Variants in NUP188 observed in about 807,000 individuals in gnomAD.
The protein encoded by NUP188 is nucleoporin 188.
In NUP188, 97 loss-of-function variants were observed where a neutral mutation model predicts 223.0. The ratio of observed to expected loss-of-function variants is 0.43; its 90% CI spans 0.37 to 0.51. NUP188 has a LOEUF of 0.51. Among genes scored for constraint, NUP188 ranks in the 20% least tolerant of loss-of-function variants. NUP188 has a pLI of 0.00. For missense variants in NUP188, 1,947 were observed against 2,175.6 expected (o/e 0.89, Z 2.09); for synonymous variants, 869 against 828.0 (o/e 1.05, Z -0.85).
chr9:128,975,226 C>CTTTTTTTTTTT (rs540828761), intron 12 of NUP188, among the ~76,000 whole-genome samples: 13 of 131,870 alleles, frequency 9.9e-5, no homozygotes, highest in African/African-American at 3.3e-4. Flanking sequence ...TTTTCTTTTC[C>CTTTTTTTTTTT]TTTTTTTTTT....
rs578060139 is a variant in NUP188 at position 128,964,625 on chromosome 9, C to T, written c.586-3881C>T. On this transcript the variant is annotated intron_variant, in intron 8 of 43. Transcript: ENST00000372577. ...AGCTCAAATGATTTATCTGCCTTGG[C>T]GCCTCCCAAAGTGCTGGGATGACAG... 2.1e-3 allele frequency among the ~76,000 whole-genome samples: 320 copies of T among 149,960 alleles called. 1 individual carries two copies. The highest frequency in any genetic ancestry group is 4.1e-3 in the Non-Finnish European group (276 of 67,562).
At chr9:128,979,046 A>C (rs1289161895) in intron 12 of NUP188, among the ~76,000 whole-genome samples, 1 of 152,104 alleles carries the variant, frequency 6.6e-6, no homozygotes, top group East Asian at 1.9e-4. Context: ...CTGACTTTCT[A>C]TATTAAGGTG....
intron 8 of NUP188, among the ~76,000 whole-genome samples, chr9:128,965,002 G>A (rs1023599386): frequency 5.3e-5 from 8 of 152,126 alleles, no homozygotes; most frequent in South Asian, 2.1e-4. Context: ...CTCCTCACCC[G>A]GCCAAAATTT....
chr9:128,978,216 A>G (rs1417941710), intron 12 of NUP188, among the ~76,000 whole-genome samples: 2 of 152,096 alleles, frequency 1.3e-5, no homozygotes, highest in Non-Finnish European at 2.9e-5. Flanking sequence ...AGTCTTGGCA[A>G]CAGAGCAAGA....
intron 8 of NUP188, among the ~76,000 whole-genome samples, chr9:128,968,099 A>AT (rs1842056420): frequency 6.6e-6 from 1 of 151,966 alleles, no homozygotes; most frequent in South Asian, 2.1e-4. Flanking sequence ...TCTTCCAAAA[A>AT]TTTAAAAAAA....
chr9:128,994,794 G>A, intron 28 of NUP188, 62 bp from the exon 29 acceptor site: 1 of 1,346,602 alleles, frequency 7.4e-7, no homozygotes, highest in South Asian at 1.2e-5. Context: ...TTCCCTGTTT[G>A]ATATACTGGG....
intron 10 of NUP188, 128 bp downstream of exon 10, chr9:128,969,642 A>G: frequency 3.7e-6 from 2 of 545,902 alleles, no homozygotes; most frequent in Admixed American, 3.8e-5. Flanking sequence ...AGGTTCTACA[A>G]TGTTTTCGTT....
chr9:128,988,413 G>A (rs947367620), intron 24 of NUP188, among the ~76,000 whole-genome samples: 1 of 152,224 alleles, frequency 6.6e-6, no homozygotes, highest in South Asian at 2.1e-4. Context: ...TAAGAATGCA[G>A]ATTTGAAGTC....
At chr9:128,974,788 T>C (rs1476421841) in intron 12 of NUP188, among the ~76,000 whole-genome samples, 2 of 151,600 alleles carry the variant, frequency 1.3e-5, no homozygotes, top group African/African-American at 2.4e-5. Flanking sequence ...TTTTTTTTTT[T>C]GGAGACAGGC....
In NUP188 at chr9:128,994,517, G is replaced by A. The variant is rs186119597; in HGVS notation, c.3087+75G>A. 339 of 980,260 alleles carry A rather than the reference G, an allele frequency of 3.5e-4. 4 individuals carry two copies. The highest frequency in any genetic ancestry group is 8.8e-4 in the South Asian group (65 of 74,044). 60.7% of individuals were successfully genotyped at this position (980,260 alleles called of 1,614,324 possible). A position where few individuals can be genotyped will look rare whatever the true frequency, so the allele number is the denominator to read the frequency against. On this transcript the variant is annotated intron_variant, in intron 28 of 43. Transcript: ENST00000372577. ...AGGCTGTGGGCTGTGAGATGGGGCC[G>A]TAGACAATGATACCTCCCCTAATTA...
chr9:128,995,016 C>CA (rs760674786), intron 29 of NUP188, 93 bp downstream of exon 29: 7 of 939,618 alleles, frequency 7.4e-6, no homozygotes, highest in Non-Finnish European at 1.2e-5. Flanking sequence ...AGAGCCAAGG[C>CA]AGAGGAGAGA....
At chr9:128,984,673 C>G (rs1842307704) in intron 19 of NUP188, among the ~76,000 whole-genome samples, 1 of 152,164 alleles carries the variant, frequency 6.6e-6, no homozygotes, top group Non-Finnish European at 1.5e-5. Context: ...AAATGTTTCC[C>G]TGATGTTCCT....
intron 8 of NUP188, 62 bp from the exon 9 acceptor site, chr9:128,968,440 GTTCT>G (rs1842061337): frequency 7.9e-7 from 1 of 1,267,598 alleles, no homozygotes; most frequent in Non-Finnish European, 1.1e-6. Flanking sequence ...TTTAAAAAAT[GTTCT>G]TTAAGTACTG....
chr9:128,957,000 G>A lies in NUP188; in HGVS notation c.295G>A (p.Glu99Lys), dbSNP rs1841880259. Residue 99 changes from glutamate (E) to lysine (K), a missense_variant, in exon 5 of 44, where the codon GAG becomes AAG. Physicochemically the swap from Glu to Lys is moderately conservative, Grantham distance 56. Around this residue, in one of 3 missense-constraint regions of NUP188, gnomAD observed 817 missense variants for 865.8 expected, o/e 0.94. Coordinates refer to ENST00000372577, the MANE Select transcript of NUP188 (RefSeq NM_015354.3). ...SVQLLQCYLQ[E>K]DYRGTRDSVK... is the part of the protein sequence containing the mutation. ...GCAGTTACTCCAGTGTTACCTGCAA[G>A]AGGACTACAGGGGTACTCGGGACTC... 1 of 1,613,010 alleles carries A rather than the reference G, an allele frequency of 6.2e-7. No homozygotes were observed. Among genetic ancestry groups the A allele is most frequent in the Non-Finnish European group, 8.5e-7 (1 of 1,179,384 alleles).
intron 38 of NUP188, chr9:129,003,742 C>A (rs745657774): frequency 2.4e-6 from 1 of 421,864 alleles, no homozygotes; most frequent in Non-Finnish European, 4.4e-6. Flanking sequence ...GCCTGTAATC[C>A]TAGCACTTTG....
At chr9:128,962,215 G>A (rs1841965298) in intron 8 of NUP188, among the ~76,000 whole-genome samples, 3 of 151,492 alleles carry the variant, frequency 2.0e-5, no homozygotes, top group Middle Eastern at 3.4e-3. Flanking sequence ...GATTACGGTG[G>A]TGAGCCATTG....
chr9:128,960,600 A>G (rs1007522593), intron 8 of NUP188, among the ~76,000 whole-genome samples: 5 of 152,208 alleles, frequency 3.3e-5, no homozygotes, highest in Non-Finnish European at 1.5e-5. Flanking sequence ...TAAGTTTAGG[A>G]CAATATAAAA....
intron 8 of NUP188, among the ~76,000 whole-genome samples, chr9:128,962,342 G>A (rs778395757): frequency 1.1e-4 from 16 of 149,080 alleles, no homozygotes; most frequent in South Asian, 2.1e-4. Context: ...TCCACCTCTC[G>A]GGTTCACGCC....
chr9:128,999,859 T>A, intron 34 of NUP188, 54 bp downstream of exon 34: 1 of 1,537,434 alleles, frequency 6.5e-7, no homozygotes, highest in Non-Finnish European at 9.0e-7. Flanking sequence ...GCCAGCTCTG[T>A]GCCTGACTCT....
Sources: allele counts gnomAD v4.1 joint callset (sites outside exome capture counted in the v4.1 genomes callset), GRCh38; gene constraint gnomAD v4.1.1; regional missense constraint gnomAD v4.1.1; transcripts MANE v1.5; gene names NCBI Gene and HGNC (gene_info 2026-07-23, HGNC 2026-07-21).